The following CKMT2 variants were observed in gnomAD, a reference collection of about 807,000 sequenced individuals.
CKMT2 encodes the protein creatine kinase, mitochondrial 2.
Under a neutral mutation model 48.9 loss-of-function variants are expected in CKMT2, and 43 were observed. That is an observed-to-expected ratio of 0.88 (90% CI 0.69 to 1.13). The LOEUF is 1.13. Ranked by LOEUF, CKMT2 falls within the 50% of genes most tolerant of loss-of-function variation. The pLI is 0.00. For synonymous variants in CKMT2, 206 were observed against 213.0 expected, an observed-to-expected ratio of 0.97 and a Z score of 0.29; for missense variants, 472 against 555.4, an observed-to-expected ratio of 0.85 and a Z score of 1.51.
chr5:81,249,295 C>T (rs1387395594), intron 1 of CKMT2, among the ~76,000 whole-genome samples: 1 of 152,102 alleles, frequency 6.6e-6, no homozygotes, highest in Non-Finnish European at 1.5e-5. Flanking sequence ...GTTGGCCAGG[C>T]TGGTCTCAAA....
intron 1 of CKMT2, chr5:81,236,224 T>G (rs1315129515): frequency 1.3e-5 from 2 of 152,218 alleles, no homozygotes; most frequent in East Asian, 1.9e-4. Context: ...TTAAATGCAC[T>G]TCTACGGTCT....
chr5:81,248,787 GA>G (rs1756699412), intron 1 of CKMT2, among the ~76,000 whole-genome samples: 1 of 152,216 alleles, frequency 6.6e-6, no homozygotes, highest in Non-Finnish European at 1.5e-5. Context: ...CTACTCAGAA[GA>G]GGCTTGATTT....
chr5:81,243,339 C>T (rs1460489221), intron 1 of CKMT2, among the ~76,000 whole-genome samples: 2 of 152,138 alleles, frequency 1.3e-5, no homozygotes, highest in Non-Finnish European at 2.9e-5. Flanking sequence ...GATTGAGGCA[C>T]CAGGCTGTGG....
chr5:81,258,486 T>C (rs147934807), intron 7 of CKMT2, among the ~76,000 whole-genome samples: 289 of 152,296 alleles, frequency 1.9e-3, no homozygotes, highest in African/African-American at 6.8e-3. Flanking sequence ...TCTCTTGGCA[T>C]GAAAAATGCC....
At chr5:81,250,978 CAGAAAGAGAGAGAGAGAG>C in intron 1 of CKMT2, 117 bp from the exon 2 acceptor site, 63 of 646,304 alleles carry the variant, frequency 9.7e-5, no homozygotes, top group Non-Finnish European at 1.6e-4. Context: ...CACACACACA[CAGAAAGAGAGAGAGAGAG>C]ACAGAGACAC....
chr5:81,254,091 G>C (rs571860927), intron 3 of CKMT2, among the ~76,000 whole-genome samples: 3 of 152,198 alleles, frequency 2.0e-5, no homozygotes, highest in Non-Finnish European at 4.4e-5. Context: ...GTATTTTCTT[G>C]CTCAATCTGA....
chr5:81,242,195 G>T (rs1447685115), intron 1 of CKMT2: 1 of 249,512 alleles, frequency 4.0e-6, no homozygotes, highest in Non-Finnish European at 7.8e-6. Context: ...CTCAAAACCA[G>T]AACTGAGTGT....
At chr5:81,261,841 C>A (rs574472886) in intron 8 of CKMT2, among the ~76,000 whole-genome samples, 1 of 152,174 alleles carries the variant, frequency 6.6e-6, no homozygotes, top group African/African-American at 2.4e-5. Flanking sequence ...GAAAAAACTA[C>A]TTTAAATTTC....
At chr5:81,237,318 C>G (rs751928687) in intron 1 of CKMT2, among the ~76,000 whole-genome samples, 37 of 152,068 alleles carry the variant, frequency 2.4e-4, no homozygotes, top group Non-Finnish European at 4.9e-4. Context: ...TTATTCAGTG[C>G]CTACTGCAGC....
At chr5:81,241,354 T>C (rs1756428390) in intron 1 of CKMT2, among the ~76,000 whole-genome samples, 1 of 152,178 alleles carries the variant, frequency 6.6e-6, no homozygotes, top group African/African-American at 2.4e-5. Context: ...TATATTTTGC[T>C]GCCCCTTTGA....
rs776920856 is a variant in CKMT2, at chr5:81,255,082, C to T, written c.537C>T (p.Ala179=). 5 of 1,614,064 alleles carry T rather than the reference C, an allele frequency of 3.1e-6. No homozygotes were observed. In the South Asian group the frequency reaches 5.5e-5, roughly 18 times the overall value. Residue 179 remains alanine, a synonymous_variant, in exon 5 of 10, where the codon GCC becomes GCT. Coordinates refer to ENST00000254035, the MANE Select transcript of CKMT2 (RefSeq NM_001099735.2). ...TCCGTGGGCTGAGCCTGCCTCCAGC[C>T]TGCACCCGGGCCGAGCGAAGGGAGG... The part of the protein sequence containing the change: ...RSIRGLSLPP[A]CTRAERREVE...
chr5:81,260,076 C>G (rs566142534), intron 8 of CKMT2, among the ~76,000 whole-genome samples: 11 of 152,228 alleles, frequency 7.2e-5, no homozygotes, highest in African/African-American at 2.4e-4. Context: ...CACTCAAAAC[C>G]GCACGAATAC....
intron 1 of CKMT2, among the ~76,000 whole-genome samples, chr5:81,246,281 C>T: frequency 6.6e-6 from 1 of 151,860 alleles, no homozygotes; most frequent in East Asian, 2.0e-4. Flanking sequence ...GGCTCCCCTA[C>T]ACCCTGCCCG....
At chr5:81,234,329 C>G (rs1187209752) in intron 1 of CKMT2, among the ~76,000 whole-genome samples, 1 of 152,182 alleles carries the variant, frequency 6.6e-6, no homozygotes, top group Non-Finnish European at 1.5e-5. Context: ...GTTAGTGGCC[C>G]TCAGGACAAG....
In CKMT2 at chr5:81,243,282, A is replaced by G. The variant is rs575700323; in HGVS notation, c.-20-7831A>G. ...CAGCCCATGAGTACACTGCGAACTG[A>G]GAGAGAATGCAGTCATCTTGAGCTA... On this transcript the variant is annotated intron_variant, in intron 1 of 9. Coordinates refer to ENST00000254035, the MANE Select transcript of CKMT2 (RefSeq NM_001099735.2). Among the ~76,000 whole-genome samples, 114 of 152,338 alleles carry G rather than the reference A, an allele frequency of 7.5e-4. 2 individuals are homozygous for G. The highest frequency in any genetic ancestry group is 1.3e-3 in the Non-Finnish European group (88 of 68,026).
At chr5:81,261,213 ATC>A (rs1267654537) in intron 8 of CKMT2, among the ~76,000 whole-genome samples, 3 of 152,230 alleles carry the variant, frequency 2.0e-5, no homozygotes, top group Non-Finnish European at 4.4e-5. Flanking sequence ...GATGGAACAT[ATC>A]TCAAAATTAT....
At position 81,266,396 on chromosome 5, in the gene CKMT2, A is replaced by G. The variant is rs1757386923; in HGVS notation, c.*138A>G. 4 of 749,556 alleles carry G rather than the reference A, an allele frequency of 5.3e-6. No homozygotes were observed. The highest frequency in any genetic ancestry group is 8.3e-6 in the Non-Finnish European group (4 of 484,694). 46.4% of individuals were successfully genotyped at this position (749,556 alleles called of 1,614,324 possible). A position where few individuals can be genotyped will look rare whatever the true frequency, so the allele number is the denominator to read the frequency against. On this transcript the variant is annotated 3_prime_UTR_variant, in exon 10 of 10. Coordinates refer to ENST00000254035, the MANE Select transcript of CKMT2 (RefSeq NM_001099735.2). ...TCTTTACAATAAAACTCTCCTTAAT[A>G]TATCTTTGCTTTGTTTCTCTGATTT...
At chr5:81,254,843 C>T (rs1756941214) in intron 4 of CKMT2, 150 bp from the exon 5 acceptor site, 2 of 692,072 alleles carry the variant, frequency 2.9e-6, no homozygotes, top group Admixed American at 5.4e-5. Flanking sequence ...CCCAAGACTT[C>T]CGGAATGTGT....
chr5:81,263,987 A>G (rs1295001142), intron 9 of CKMT2, among the ~76,000 whole-genome samples: 1 of 152,174 alleles, frequency 6.6e-6, no homozygotes, highest in African/African-American at 2.4e-5. Flanking sequence ...AGGGTGGCAA[A>G]ATAGTGGAAT....
Sources: allele counts gnomAD v4.1 joint callset (sites outside exome capture counted in the v4.1 genomes callset), GRCh38; gene constraint gnomAD v4.1.1; transcripts MANE v1.5; gene names NCBI Gene and HGNC (gene_info 2026-07-23, HGNC 2026-07-21).